The following HDAC9 variants were observed in gnomAD, a reference collection of about 807,000 sequenced individuals.
HDAC9 encodes the protein MEF-2 interacting transcription repressor (MITR) protein.
HDAC9 carries 41 observed loss-of-function variants against 139.4 expected under a neutral mutation model. The observed-to-expected ratio is 0.29, with a 90% confidence interval of 0.23 to 0.38. The LOEUF (loss-of-function observed/expected upper bound fraction) is 0.38. Among genes scored for constraint, HDAC9 ranks in the 10% least tolerant of loss-of-function variants. The pLI, the probability that HDAC9 is intolerant of heterozygous loss-of-function variation, is 1.00. For missense variants in HDAC9, 1,147 were observed against 1,297.0 expected, an observed-to-expected ratio of 0.88 and a Z score of 1.78; for synonymous variants, 517 against 476.2, an observed-to-expected ratio of 1.09 and a Z score of -1.12.
In HDAC9 at chr7:18,530,262, TAAAAC is replaced by T. The variant is rs1187788767; in HGVS notation, c.22+33948_22+33952del. On this transcript the variant is annotated intron_variant, in intron 2 of 25. Coordinates refer to ENST00000686413, the MANE Select transcript of HDAC9 (RefSeq NM_178425.4). ...TGGGCAACAGAGTGAGATCCTGTCT[TAAAAC>T]AAAACAAAAAAGAATGGAACAATTA... 3.9e-5 allele frequency among the ~76,000 whole-genome samples: 6 copies of T among 152,174 alleles called. No homozygotes were observed. The East Asian group carries it at 5.8e-4, about 15-fold the overall frequency.
chr7:18,291,860 T>A (rs1797830349), intron 1 of HDAC9, among the ~76,000 whole-genome samples: 1 of 152,032 alleles, frequency 6.6e-6, no homozygotes, highest in Non-Finnish European at 1.5e-5. Flanking sequence ...GTAGATCTAA[T>A]GGAAAAGACC....
At chr7:18,524,579 A>G (rs1436484680) in intron 2 of HDAC9, among the ~76,000 whole-genome samples, 1 of 152,182 alleles carries the variant, frequency 6.6e-6, no homozygotes, top group Non-Finnish European at 1.5e-5. Context: ...TAACACCAAT[A>G]GCATAACGTT....
intron 1 of HDAC9, among the ~76,000 whole-genome samples, chr7:18,434,246 C>T (rs780644571): frequency 3.9e-5 from 6 of 152,144 alleles, no homozygotes; most frequent in Non-Finnish European, 8.8e-5. Context: ...TTCCTTTCAC[C>T]GTATACGAAA....
chr7:18,964,388 G>A (rs1783717122), intron 24 of HDAC9, among the ~76,000 whole-genome samples: 1 of 151,992 alleles, frequency 6.6e-6, no homozygotes, highest in Non-Finnish European at 1.5e-5. Context: ...ATAGAATGCA[G>A]TACGTTCATT....
At chr7:18,188,626 C>T (rs760888511) in intron 2 of HDAC9, among the ~76,000 whole-genome samples, 1 of 152,120 alleles carries the variant, frequency 6.6e-6, no homozygotes, top group African/African-American at 2.4e-5. Context: ...CCAGAATTTA[C>T]AGGGAACTTA....
chr7:18,994,352 A>G (rs1013343718), intron 25 of HDAC9, among the ~76,000 whole-genome samples: 16 of 152,228 alleles, frequency 1.1e-4, no homozygotes, highest in African/African-American at 3.6e-4. Context: ...ATTAGTTTCA[A>G]AACTTAAATG....
At chr7:18,504,638 A>G (rs1799268851) in intron 2 of HDAC9, among the ~76,000 whole-genome samples, 1 of 141,156 alleles carries the variant, frequency 7.1e-6, no homozygotes, top group Non-Finnish European at 1.6e-5. Flanking sequence ...GATTGTAAGC[A>G]TATTTTTTTC....
Position 18,946,036 on chromosome 7 carries a change from C to CAAAAAAAAAAAAAAAAA in HDAC9, c.2938-8088_2938-8072dup, listed in dbSNP as rs1171055959. Among the ~76,000 whole-genome samples the CAAAAAAAAAAAAAAAAA allele has an allele frequency of 2.6e-4, 10 of 38,276 alleles. 1 individual carries two copies. Among genetic ancestry groups the CAAAAAAAAAAAAAAAAA allele is most frequent in the African/African-American group, 5.9e-4 (8 of 13,512 alleles). 25.1% of individuals were successfully genotyped at this position (38,276 alleles called of 152,430 possible). A position where few individuals can be genotyped will look rare whatever the true frequency, so the allele number is the denominator to read the frequency against. ...TGGGTGATAGTACAAGACTCCGTCTCAAAAAAAAAAAAAAAAAAAAAAAAA... is the reference window on the plus strand; with the variant it reads ...TGGGTGATAGTACAAGACTCCGTCTCAAAAAAAAAAAAAAAAAAAAAAAAAAAAAAAAAAAAAAAAAA... On this transcript the variant is annotated intron_variant, in intron 23 of 25. Transcript: ENST00000686413.
chr7:18,515,584 C>G (rs998835011), intron 2 of HDAC9, among the ~76,000 whole-genome samples: 3 of 152,126 alleles, frequency 2.0e-5, no homozygotes, highest in Non-Finnish European at 4.4e-5. Context: ...AGTAAGCAGT[C>G]TTCTATTTTG....
chr7:18,177,362 T>G (rs1398040635), intron 2 of HDAC9, among the ~76,000 whole-genome samples: 3 of 152,206 alleles, frequency 2.0e-5, no homozygotes, highest in Admixed American at 6.5e-5. Flanking sequence ...AACTCTGATA[T>G]AGTCACTGCC....
At chr7:18,476,446 A>G (rs947427549) in intron 1 of HDAC9, among the ~76,000 whole-genome samples, 3 of 152,022 alleles carry the variant, frequency 2.0e-5, no homozygotes, top group South Asian at 2.1e-4. Flanking sequence ...TATTAGTTAC[A>G]TGGTTTGAGT....
At chr7:18,886,456 A>G (rs555134816) in intron 22 of HDAC9, among the ~76,000 whole-genome samples, 1 of 152,202 alleles carries the variant, frequency 6.6e-6, no homozygotes, top group Admixed American at 6.5e-5. Flanking sequence ...ATACTAAGAT[A>G]TACTTTTTCA....
At chr7:18,408,774 A>G (rs1253669163) in intron 1 of HDAC9, among the ~76,000 whole-genome samples, 2 of 152,174 alleles carry the variant, frequency 1.3e-5, no homozygotes, top group African/African-American at 4.8e-5. Flanking sequence ...GGTTGAGATC[A>G]TGGTTTGGGT....
Position 18,274,392 on chromosome 7 carries a change from T to C in HDAC9, c.25+112043T>C, listed in dbSNP as rs544563700. ...GTGAGAGAGAATGCAAGAGAGCAAA[T>C]CAGAGGAAGCCAAGCTCTTTTTAAC... On this transcript the variant is annotated intron_variant, in intron 2 of 12. Transcript: ENST00000417496. Among the ~76,000 whole-genome samples, 6 of 152,162 alleles carry C rather than the reference T, an allele frequency of 3.9e-5. No homozygotes were observed. In the East Asian group the frequency reaches 9.7e-4, roughly 24 times the overall value.
At chr7:18,855,123 C>A (rs1797580487) in intron 21 of HDAC9, among the ~76,000 whole-genome samples, 1 of 152,196 alleles carries the variant, frequency 6.6e-6, no homozygotes, top group Non-Finnish European at 1.5e-5. Flanking sequence ...CAGAAGCCGT[C>A]TCTGAAACCA....
intron 2 of HDAC9, among the ~76,000 whole-genome samples, chr7:18,513,211 T>G (rs761477354): frequency 4.6e-5 from 7 of 152,204 alleles, no homozygotes; most frequent in Non-Finnish European, 1.0e-4. Flanking sequence ...TTGCATTGTA[T>G]AGAGGGACCG....
intron 1 of HDAC9, among the ~76,000 whole-genome samples, chr7:18,370,858 TG>T (rs1784543326): frequency 6.6e-6 from 1 of 152,178 alleles, no homozygotes; most frequent in Admixed American, 6.5e-5. Context: ...GTTGAAATAT[TG>T]CAGAGTTTCC....
chr7:18,993,910 A>G (rs1033470895), intron 25 of HDAC9, among the ~76,000 whole-genome samples: 2 of 152,248 alleles, frequency 1.3e-5, no homozygotes, highest in African/African-American at 4.8e-5. Context: ...ATTCCAAAAA[A>G]AAGAGGTCAA....
At chr7:18,705,981 C>T (rs1031504668) in intron 12 of HDAC9, among the ~76,000 whole-genome samples, 4 of 151,744 alleles carry the variant, frequency 2.6e-5, no homozygotes, top group Non-Finnish European at 4.4e-5. Context: ...GGAAAGGAAC[C>T]CTTTCATTGA....
Sources: gnomAD v4.1 joint callset for allele counts (sites outside exome capture counted in the v4.1 genomes callset) on GRCh38, gnomAD v4.1.1 for gene constraint, MANE v1.5 for transcripts, NCBI Gene and HGNC (gene_info 2026-07-23, HGNC 2026-07-21) for gene names.